The following MINAR2 variants were observed in gnomAD, a reference collection of about 807,000 sequenced individuals.
MINAR2 encodes the protein membrane integral NOTCH2 associated receptor 2.
Under a neutral mutation model 16.1 loss-of-function variants are expected in MINAR2, and 21 were observed. The ratio of observed to expected loss-of-function variants is 1.31; its 90% confidence interval spans 0.93 to 1.88. The LOEUF (loss-of-function observed/expected upper bound fraction) is 1.88, where lower values mean the gene tolerates loss of function less well. MINAR2 is among the 40% of genes most tolerant of loss of function. The pLI is 0.00. For missense variants in MINAR2, 259 were observed against 229.8 expected (o/e 1.13, Z -0.82); for synonymous variants, 86 against 83.0 (o/e 1.04, Z -0.20).
chr5:129,748,899 A>G (rs1220779921), intron 1 of MINAR2, among the ~76,000 whole-genome samples: 1 of 152,218 alleles, frequency 6.6e-6, no homozygotes, highest in Non-Finnish European at 1.5e-5. Flanking sequence ...CACTTGAAAA[A>G]GTGCTAGCTA....
intron 1 of MINAR2, among the ~76,000 whole-genome samples, chr5:129,758,008 T>C (rs1011472211): frequency 6.6e-6 from 1 of 152,016 alleles, no homozygotes; most frequent in African/African-American, 2.4e-5. Flanking sequence ...TGTTCAAAAA[T>C]GCCTTCTATC....
intron 1 of MINAR2, among the ~76,000 whole-genome samples, chr5:129,753,090 G>C (rs1331780302): frequency 6.6e-6 from 1 of 151,680 alleles, no homozygotes; most frequent in African/African-American, 2.4e-5. Context: ...TTTATCATGG[G>C]TTTTTTTTTG....
intron 1 of MINAR2, among the ~76,000 whole-genome samples, chr5:129,754,384 T>C (rs1004223151): frequency 6.6e-6 from 1 of 152,220 alleles, no homozygotes; most frequent in Non-Finnish European, 1.5e-5. Context: ...AAAGAGCTGA[T>C]TTTCTGAGAA....
intron 1 of MINAR2, among the ~76,000 whole-genome samples, chr5:129,751,652 C>T (rs1757986444): frequency 6.6e-6 from 1 of 152,070 alleles, no homozygotes. Context: ...TTATACTTCT[C>T]CTTAAATTCT....
In MINAR2 at chr5:129,753,683, G is replaced by A. The variant is rs536105819; in HGVS notation, c.165+5328G>A. Among the ~76,000 whole-genome samples the A allele has an allele frequency of 6.6e-5, 10 of 151,940 alleles. No individual in the cohort carries two copies. In the South Asian group the frequency reaches 2.1e-3, roughly 32 times the overall value. On this transcript the variant is annotated intron_variant, in intron 1 of 2. Transcript: ENST00000564719. ...CAGGACAATCGCTTGAACCGGGGAG[G>A]TGGAGATTGCAGTGAGCTGAGATCG...
In MINAR2 at chr5:129,766,649, A is replaced by AAAC. The variant is rs1376252649; in HGVS notation, c.*1588_*1589insCAA. 5.1e-5 allele frequency: 7 copies of AAAC among 137,124 alleles called. 1 individual carries two copies. Among genetic ancestry groups the AAAC allele is most frequent in the Non-Finnish European group, 9.3e-5 (6 of 64,598 alleles). 8.5% of individuals were successfully genotyped at this position (137,124 alleles called of 1,614,324 possible). ...GAGACTTCCATAAAAAAAAAAAAAA[A>AAAC]AAAAAAACAAACAAACAAACAAAAA... On this transcript the variant is annotated 3_prime_UTR_variant, in exon 3 of 3. Coordinates refer to ENST00000564719, the MANE Select transcript of MINAR2 (RefSeq NM_001257308.2).
Position 129,753,694 on chromosome 5 carries a change from A to G in MINAR2, c.165+5339A>G, listed in dbSNP as rs111563936. Among the ~76,000 whole-genome samples, 21 of 151,888 alleles carry G rather than the reference A, an allele frequency of 1.4e-4. 2 individuals are homozygous for G. Among genetic ancestry groups the G allele is most frequent in the African/African-American group, 4.3e-4 (18 of 41,414 alleles). ...CTTGAACCGGGGAGGTGGAGATTGC[A>G]GTGAGCTGAGATCGCGCCATTGTTC... On this transcript the variant is annotated intron_variant, in intron 1 of 2. Transcript: ENST00000564719.
intron 1 of MINAR2, among the ~76,000 whole-genome samples, chr5:129,750,512 A>T (rs1310404590): frequency 6.6e-6 from 1 of 152,122 alleles, no homozygotes; most frequent in Admixed American, 6.6e-5. Context: ...ATCTGTCATG[A>T]CCCTTAATTC....
At chr5:129,761,823 G>A (rs1476172899) in intron 2 of MINAR2, among the ~76,000 whole-genome samples, 3 of 152,240 alleles carry the variant, frequency 2.0e-5, no homozygotes, top group Non-Finnish European at 2.9e-5. Context: ...GGAGGTGAAT[G>A]TTCCTGTCCC....
intron 1 of MINAR2, among the ~76,000 whole-genome samples, chr5:129,755,818 T>C (rs1758047720): frequency 6.6e-6 from 1 of 152,090 alleles, no homozygotes; most frequent in Non-Finnish European, 1.5e-5. Flanking sequence ...ATGTGTTGAT[T>C]CTGTCTTTAC....
At chr5:129,754,050 C>T (rs1758023743) in intron 1 of MINAR2, among the ~76,000 whole-genome samples, 1 of 152,020 alleles carries the variant, frequency 6.6e-6, no homozygotes, top group African/African-American at 2.4e-5. Flanking sequence ...AAAAAGAACA[C>T]CCAAATTGCT....
intron 2 of MINAR2, among the ~76,000 whole-genome samples, chr5:129,763,411 C>T (rs1758163468): frequency 6.6e-6 from 1 of 152,140 alleles, no homozygotes; most frequent in African/African-American, 2.4e-5. Flanking sequence ...GGCTATAAAC[C>T]CAAGTCCCTG....
Position 129,766,657 on chromosome 5 carries a change from C to CAAAAAAAAAAAA in MINAR2, c.*1597_*1598insAAAAAAAAAAAA, listed in dbSNP as rs61546560. 4 of 111,714 alleles carry CAAAAAAAAAAAA rather than the reference C, an allele frequency of 3.6e-5. No homozygotes were observed. The highest frequency in any genetic ancestry group is 2.8e-4 in the East Asian group (1 of 3,574). 6.9% of individuals were successfully genotyped at this position (111,714 alleles called of 1,614,324 possible). On this transcript the variant is annotated 3_prime_UTR_variant, in exon 3 of 3. Transcript: ENST00000564719. ...CATAAAAAAAAAAAAAAAAAAAAAA[C>CAAAAAAAAAAAA]AAACAAACAAACAAAAAAAACCCCA...
At chr5:129,756,153 A>T (rs1758051604) in intron 1 of MINAR2, among the ~76,000 whole-genome samples, 1 of 152,090 alleles carries the variant, frequency 6.6e-6, no homozygotes, top group Non-Finnish European at 1.5e-5. Context: ...ATGGTCGAAA[A>T]GCATGGTCCA....
chr5:129,757,149 G>A (rs888872549), intron 1 of MINAR2, among the ~76,000 whole-genome samples: 1 of 151,460 alleles, frequency 6.6e-6, no homozygotes, highest in Non-Finnish European at 1.5e-5. Context: ...TGAGATGTGT[G>A]TAGTGTCACA....
At chr5:129,763,025 A>C (rs2149547080) in intron 2 of MINAR2, among the ~76,000 whole-genome samples, 1 of 152,322 alleles carries the variant, frequency 6.6e-6, no homozygotes, top group African/African-American at 2.4e-5. Context: ...TACACTTAGG[A>C]AACTGAATAT....
chr5:129,756,875 T>C (rs1012827748), intron 1 of MINAR2, among the ~76,000 whole-genome samples: 1 of 149,954 alleles, frequency 6.7e-6, no homozygotes, highest in Admixed American at 6.7e-5. Flanking sequence ...GCCAGGAATT[T>C]TACTGGTCAA....
At chr5:129,764,762 C>T in intron 2 of MINAR2, 122 bp from the exon 3 acceptor site, 2 of 483,696 alleles carry the variant, frequency 4.1e-6, no homozygotes, top group Non-Finnish European at 6.6e-6. Flanking sequence ...TGAAGCCTTG[C>T]CCAGGACAGA....
chr5:129,764,266 T>TAATGGG (rs1198635294), intron 2 of MINAR2, among the ~76,000 whole-genome samples: 2 of 152,064 alleles, frequency 1.3e-5, no homozygotes, highest in African/African-American at 4.8e-5. Context: ...GGGTCCTTTT[T>TAATGGG]TCAGGAGGTC....
Sources: gnomAD v4.1 joint callset for allele counts (sites outside exome capture counted in the v4.1 genomes callset) on GRCh38, gnomAD v4.1.1 for gene constraint, MANE v1.5 for transcripts, NCBI Gene and HGNC (gene_info 2026-07-23, HGNC 2026-07-21) for gene names.